Variants in FOXP2 observed in about 807,000 individuals in gnomAD.
FOXP2 encodes the protein forkhead box P2, also known as forkhead box protein P2.
FOXP2 carries 12 observed loss-of-function variants against 115.8 expected under a neutral mutation model. The observed-to-expected ratio is 0.10, with a 90% CI of 0.07 to 0.17. The LOEUF is 0.17. Among genes scored for constraint, FOXP2 ranks in the 10% least tolerant of loss-of-function variants. The pLI, the probability that FOXP2 is intolerant of heterozygous loss-of-function variation, is 1.00. For synonymous variants in FOXP2, 328 were observed against 297.7 expected, an observed-to-expected ratio of 1.10 and a Z score of -1.05; for missense variants, 629 against 843.5, an observed-to-expected ratio of 0.75 and a Z score of 3.15.
chr7:114,105,863 G>A (rs1049011535), intron 1 of FOXP2, among the ~76,000 whole-genome samples: 1 of 152,092 alleles, frequency 6.6e-6, no homozygotes, highest in Non-Finnish European at 1.5e-5. Context: ...CCCAGAGTAA[G>A]TGAGTCGTCT....
At chr7:114,329,676 AT>A (rs931658752) in intron 2 of FOXP2, among the ~76,000 whole-genome samples, 18 of 131,144 alleles carry the variant, frequency 1.4e-4, no homozygotes, top group Non-Finnish European at 2.5e-4. Flanking sequence ...TTATTTATTT[AT>A]TTATTTATTT....
Position 114,243,274 on chromosome 7 carries a change from A to C in FOXP2, c.-101-44745A>C, listed in dbSNP as rs564808575. On this transcript the variant is annotated intron_variant, in intron 1 of 17. Coordinates refer to the FOXP2 transcript ENST00000634411. ...TAGCCATGAGCCAGAAAAAAAAAAA[A>C]AAAAACAAGAACAAAGGTTGAAGTT... 1.9e-4 allele frequency among the ~76,000 whole-genome samples: 29 copies of C among 152,168 alleles called. No individual in the cohort carries two copies. In the East Asian group the frequency reaches 5.2e-3, roughly 27 times the overall value.
chr7:114,561,694 A>G (rs979802921), intron 3 of FOXP2, among the ~76,000 whole-genome samples: 126 of 152,340 alleles, frequency 8.3e-4, no homozygotes, highest in African/African-American at 3.0e-3. Context: ...CATGAAGAAA[A>G]CAAACATAAA....
chr7:114,272,851 A>C (rs1796099979), intron 1 of FOXP2, among the ~76,000 whole-genome samples: 1 of 151,760 alleles, frequency 6.6e-6, no homozygotes, highest in Non-Finnish European at 1.5e-5. Flanking sequence ...AGTCTGGATA[A>C]AGGCGCCTCA....
At chr7:114,677,180 A>AAAAAAC (rs56165687) in intron 16 of FOXP2, among the ~76,000 whole-genome samples, 46,307 of 147,916 alleles carry the variant, frequency 0.31, 8,949 homozygotes, top group Non-Finnish European at 0.45. Context: ...AACAAAAAAA[A>AAAAAAC]AAAAAACAAA....
chr7:114,269,101 T>C (rs1431470155), intron 1 of FOXP2, among the ~76,000 whole-genome samples: 1 of 152,106 alleles, frequency 6.6e-6, no homozygotes, highest in Non-Finnish European at 1.5e-5. Flanking sequence ...AGTAAACAAA[T>C]AGGGCCTATA....
intron 2 of FOXP2, among the ~76,000 whole-genome samples, chr7:114,508,611 AC>A (rs1294725440): frequency 6.6e-6 from 1 of 151,782 alleles, no homozygotes; most frequent in Non-Finnish European, 1.5e-5. Flanking sequence ...GAGCTTTAAG[AC>A]CCCATCCTCA....
intron 1 of FOXP2, among the ~76,000 whole-genome samples, chr7:114,267,229 A>G (rs1394482969): frequency 4.6e-5 from 7 of 152,174 alleles, no homozygotes; most frequent in African/African-American, 9.7e-5. Flanking sequence ...TAGATCCTAA[A>G]GAAAGCAGCC....
chr7:114,290,421 A>G (rs1796564133), intron 2 of FOXP2, among the ~76,000 whole-genome samples: 2 of 152,094 alleles, frequency 1.3e-5, no homozygotes, highest in Admixed American at 6.6e-5. Context: ...CTGCAAGACT[A>G]TTAAGCTCAA....
intron 3 of FOXP2, among the ~76,000 whole-genome samples, chr7:114,617,278 T>C (rs1465700455): frequency 6.6e-6 from 1 of 152,218 alleles, no homozygotes; most frequent in Admixed American, 6.6e-5. Flanking sequence ...CCTAGATTTC[T>C]CCTTTTCTTA....
At position 114,169,183 on chromosome 7, in the gene FOXP2, G is replaced by A. The variant is rs368155385; in HGVS notation, c.-102+6095G>A. Among the ~76,000 whole-genome samples the A allele has an allele frequency of 3.0e-4, 46 of 151,530 alleles. No individual in the cohort carries two copies. In the South Asian group the frequency reaches 5.7e-3, roughly 19 times the overall value. On this transcript the variant is annotated intron_variant, in intron 1 of 17. Transcript: ENST00000634411. ...GGTGCACTGTGAGAAGAGGGCCACC[G>A]TCCTCCAGCCCCCAGAACAGTAGAT...
chr7:114,550,888 T>C (rs1352151327), intron 3 of FOXP2, among the ~76,000 whole-genome samples: 1 of 152,170 alleles, frequency 6.6e-6, no homozygotes, highest in East Asian at 1.9e-4. Flanking sequence ...AAATAAGAAA[T>C]AATTATGTTA....
chr7:114,400,616 CG>C (rs1179055012), intron 2 of FOXP2, among the ~76,000 whole-genome samples: 1 of 151,938 alleles, frequency 6.6e-6, no homozygotes, highest in Non-Finnish European at 1.5e-5. Context: ...CGGGTGGGGT[CG>C]GGGGGAATGG....
At chr7:114,459,764 T>C in intron 2 of FOXP2, among the ~76,000 whole-genome samples, 1 of 152,024 alleles carries the variant, frequency 6.6e-6, no homozygotes, top group Non-Finnish European at 1.5e-5. Context: ...TACAAACACG[T>C]GCCACCACGC....
intron 1 of FOXP2, among the ~76,000 whole-genome samples, chr7:114,265,270 C>A (rs963924233): frequency 6.6e-6 from 1 of 152,162 alleles, no homozygotes; most frequent in Non-Finnish European, 1.5e-5. Flanking sequence ...GGAAACATTT[C>A]TATTCCAAAA....
intron 1 of FOXP2, among the ~76,000 whole-genome samples, chr7:114,281,977 C>T (rs1468586869): frequency 6.6e-6 from 1 of 151,962 alleles, no homozygotes; most frequent in Non-Finnish European, 1.5e-5. Context: ...TTACATAGGC[C>T]CCACTCTGTA....
chr7:114,491,085 A>T (rs1797027426), intron 2 of FOXP2, among the ~76,000 whole-genome samples: 1 of 152,250 alleles, frequency 6.6e-6, no homozygotes, highest in Middle Eastern at 3.4e-3. Context: ...CGCCACACTG[A>T]CTTCCACAAT....
At chr7:114,501,333 A>G (rs576983226) in intron 2 of FOXP2, among the ~76,000 whole-genome samples, 1 of 152,254 alleles carries the variant, frequency 6.6e-6, no homozygotes, top group East Asian at 1.9e-4. Flanking sequence ...ATACATCTTT[A>G]TCAATACTCC....
chr7:114,376,547 A>G (rs917642012), intron 2 of FOXP2, among the ~76,000 whole-genome samples: 2 of 152,222 alleles, frequency 1.3e-5, no homozygotes, highest in African/African-American at 4.8e-5. Context: ...CTCTAAATGT[A>G]TAAAGCTGTG....
Sources: gnomAD v4.1 joint callset for allele counts (sites outside exome capture counted in the v4.1 genomes callset) on GRCh38, gnomAD v4.1.1 for gene constraint, MANE v1.5 for transcripts, NCBI Gene and HGNC (gene_info 2026-07-23, HGNC 2026-07-21) for gene names.